FAT2: variants seen among roughly 807,000 people sequenced by gnomAD.
The protein encoded by FAT2 is protocadherin Fat 2.
In FAT2, 150 loss-of-function variants were observed where a neutral mutation model predicts 295.3. That is an observed-to-expected ratio of 0.51 (90% confidence interval 0.44 to 0.58). The LOEUF (loss-of-function observed/expected upper bound fraction) is 0.58. FAT2 is among the 20% of genes least tolerant of loss of function. The pLI, the probability that FAT2 is intolerant of heterozygous loss-of-function variation, is 0.00. For missense variants in FAT2, 4,868 were observed against 5,442.7 expected, an observed-to-expected ratio of 0.89 and a Z score of 3.32; for synonymous variants, 2,026 against 2,150.3, an observed-to-expected ratio of 0.94 and a Z score of 1.60.
chr5:151,528,993 T>G (rs1013209197), intron 15 of FAT2, among the ~76,000 whole-genome samples, 185 bp downstream of exon 15: 5 of 152,172 alleles, frequency 3.3e-5, no homozygotes, highest in African/African-American at 1.2e-4. Flanking sequence ...TCAGGAGAGA[T>G]AGTTTGGCCG....
intron 5 of FAT2, 101 bp from the exon 6 acceptor site, chr5:151,553,488 C>A: frequency 2.0e-6 from 2 of 990,254 alleles, no homozygotes; most frequent in South Asian, 1.5e-5. Flanking sequence ...TCTGACCAAG[C>A]AGGCCTCTCA....
At chr5:151,527,044 AAGTGCCTAACAC>A (rs1355157616) in intron 17 of FAT2, among the ~76,000 whole-genome samples, 178 bp downstream of exon 17, 1 of 152,240 alleles carries the variant, frequency 6.6e-6, no homozygotes, top group African/African-American at 2.4e-5. Flanking sequence ...ATGGATATGA[AAGTGCCTAACAC>A]AGTGCCTGAT....
chr5:151,550,475 G>A, intron 8 of FAT2, 115 bp downstream of exon 8: 1 of 1,201,208 alleles, frequency 8.3e-7, no homozygotes, highest in Non-Finnish European at 1.2e-6. Flanking sequence ...TCACAACTCT[G>A]TCTCGTGCAT....
rs1163615488 is a variant in FAT2, at chr5:151,542,933, G to T, written c.8194C>A (p.Pro2732Thr). ...AAGACACCATCCTTGTTGCTCTCAG[G>T]TGTAGTGCCCCGCACTAGACTGTAG... ...VIYSLVRGTT[P>T]ESNKDGVFSL... Residue 2732 changes from proline to threonine, a missense_variant, in exon 10 of 24, where the codon CCT becomes ACT. Physicochemically the swap from Pro to Thr is conservative, Grantham distance 38 (BLOSUM62 -1). Coordinates refer to ENST00000261800, the MANE Select transcript of FAT2 (RefSeq NM_001447.3). The T allele has an allele frequency of 1.9e-6, 3 of 1,614,198 alleles. No individual in the cohort carries two copies. Among genetic ancestry groups the T allele is most frequent in the Non-Finnish European group, 2.5e-6 (3 of 1,180,038 alleles).
chr5:151,550,605 G>A lies in FAT2; in HGVS notation c.4563C>T (p.His1521=), dbSNP rs34635112. Residue 1521 remains histidine (H), a synonymous_variant, in exon 8 of 24, where the codon CAC becomes CAT. Transcript: ENST00000261800. ...ATTTACTCACCATGACTGTCAGTGT[G>A]TGCTGGGAGGGCCCCGAGCCGAGGT... ...KLDLGSGPSQ[H]TLTVMVRDQE... 2.4e-3 allele frequency: 3,946 copies of A among 1,614,098 alleles called. 14 individuals carry two copies. The highest frequency in any genetic ancestry group is 3.1e-3 in the Non-Finnish European group (3,688 of 1,180,000).
intron 1 of FAT2, among the ~76,000 whole-genome samples, chr5:151,588,915 C>T (rs1404050049): frequency 6.6e-6 from 1 of 152,134 alleles, no homozygotes; most frequent in Non-Finnish European, 1.5e-5. Flanking sequence ...TATGATGATC[C>T]CCATCTTTCA....
intron 7 of FAT2, among the ~76,000 whole-genome samples, 172 bp from the exon 8 acceptor site, chr5:151,551,043 G>A (rs1014428062): frequency 6.6e-6 from 1 of 152,204 alleles, no homozygotes; most frequent in African/African-American, 2.4e-5. Context: ...AAGACCTTCA[G>A]ATGCTGCACA....
chr5:151,591,418 G>GA (rs1304862333), upstream of FAT2, among the ~76,000 whole-genome samples: 1 of 152,212 alleles, frequency 6.6e-6, no homozygotes, highest in Admixed American at 6.5e-5. Flanking sequence ...GTCTCACGGA[G>GA]AGGGAGGGAG....
intron 3 of FAT2, among the ~76,000 whole-genome samples, chr5:151,557,610 G>A (rs1421012658): frequency 1.3e-5 from 2 of 152,182 alleles, no homozygotes; most frequent in Admixed American, 6.5e-5. Context: ...CAGAGGCAGC[G>A]CCTTCATTAC....
At position 151,505,651 on chromosome 5, in the gene FAT2, G is replaced by A; in HGVS notation, c.12964C>T (p.Gln4322Ter). 1 of 1,614,142 alleles carries A rather than the reference G, an allele frequency of 6.2e-7. No individual in the cohort carries two copies. The highest frequency in any genetic ancestry group is 8.5e-7 in the Non-Finnish European group (1 of 1,180,018). ...CEVEGAPLAG[Q>*]GQPRVPPNYE... Reference sequence around the variant, plus strand: ...TTGGGGGGCACCCGGGGCTGGCCCTGGCCTGCAAGAGGTGCCCCCTCCACC... The same window carrying A: ...TTGGGGGGCACCCGGGGCTGGCCCTAGCCTGCAAGAGGTGCCCCCTCCACC... Residue 4322 changes from glutamine to a stop codon, truncating the protein, a stop_gained, in exon 24 of 24, where the codon CAG (glutamine) becomes TAG (stop). Transcript: ENST00000261800. LOFTEE classifies it high-confidence loss of function.
intron 11 of FAT2, 132 bp from the exon 12 acceptor site, chr5:151,538,078 G>A: frequency 1.5e-6 from 1 of 656,150 alleles, no homozygotes; most frequent in Non-Finnish European, 2.5e-6. Flanking sequence ...AAGAGAGACA[G>A]AAAAAAGAAC....
intron 22 of FAT2, among the ~76,000 whole-genome samples, chr5:151,509,196 T>C (rs1761118770): frequency 6.6e-6 from 1 of 152,162 alleles, no homozygotes; most frequent in Non-Finnish European, 1.5e-5. Context: ...AATAAGCACT[T>C]CAGCCATTTT....
rs190161399 is a variant in FAT2, at chr5:151,521,904, C to T, written c.10689G>A (p.Thr3563=). 134 of 1,613,854 alleles carry T rather than the reference C, an allele frequency of 8.3e-5. 1 individual carries two copies. Among genetic ancestry groups the T allele is most frequent in the Admixed American group, 6.8e-4 (41 of 60,028 alleles). ...IHATDRDPQD[T]LTYSLAEEET... is the part of the protein sequence containing the mutation. The stretch of plus-strand genomic sequence containing the variant: ...CCTCTTCTGCCAGGCTATAGGTCAG[C>T]GTGTCCTGGGGGTCTCGGTCTGTGG... The change falls in exon 19 of 24, where the codon ACG becomes ACA. Residue 3563 remains threonine, a synonymous_variant. Coordinates refer to ENST00000261800, the MANE Select transcript of FAT2 (RefSeq NM_001447.3).
In FAT2 at chr5:151,567,735, T is replaced by C; in HGVS notation, c.1197A>G (p.Pro399=). 1 of 1,614,188 alleles carries C rather than the reference T, an allele frequency of 6.2e-7. No individual in the cohort carries two copies. The highest frequency in any genetic ancestry group is 1.1e-5 in the South Asian group (1 of 91,074). ...AFPNLQYVLK[P]SSENVGFKLN... ...GTTTAAATCCTACATTCTCTGAAGA[T>C]GGCTTTAGAACATACTGCAGGTTGG... Residue 399 remains proline, a synonymous_variant, in exon 2 of 24, where the codon CCA becomes CCG. Transcript: ENST00000261800.
At chr5:151,526,548 A>G (rs1754000134) in intron 17 of FAT2, among the ~76,000 whole-genome samples, 1 of 152,236 alleles carries the variant, frequency 6.6e-6, no homozygotes, top group Non-Finnish European at 1.5e-5. Context: ...AACAGAATCT[A>G]ATGGGCAGAA....
Position 151,529,210 on chromosome 5 carries a change from C to G in FAT2, c.9994G>C (p.Glu3332Gln), listed in dbSNP as rs749723090. 1.9e-6 allele frequency: 3 copies of G among 1,614,170 alleles called. No homozygotes were observed. The highest frequency in any genetic ancestry group is 2.5e-6 in the Non-Finnish European group (3 of 1,180,024). Reference sequence around the variant, plus strand: ...ATGACGTCACCCACAAGGGCATTCTCTAAGACCCTTGTGCTATATGGATCT... The same window carrying G: ...ATGACGTCACCCACAAGGGCATTCTGTAAGACCCTTGTGCTATATGGATCT... ...PQDPYSTRVL[E>Q]NALVGDVILT... Residue 3332 changes from glutamate (E) to glutamine (Q), a missense_variant, in exon 15 of 24, where the codon GAG becomes CAG. Glu to Gln is a conservative substitution (Grantham distance 29). Around this residue, in one of 5 missense-constraint regions of FAT2, gnomAD observed 1,046 missense variants for 1,210.1 expected, o/e 0.86. Coordinates refer to ENST00000261800, the MANE Select transcript of FAT2 (RefSeq NM_001447.3).
rs375983146 is a variant in FAT2, at chr5:151,568,009, C to T, written c.923G>A (p.Arg308Gln). 108 of 1,614,068 alleles carry T rather than the reference C, an allele frequency of 6.7e-5. No individual in the cohort carries two copies. The highest frequency in any genetic ancestry group is 8.3e-5 in the Non-Finnish European group (98 of 1,180,042). The change falls in exon 2 of 24, where the codon CGG (arginine) becomes CAG (glutamine). Residue 308 changes from arginine to glutamine, a missense_variant. Arg to Gln is a conservative substitution (Grantham distance 43). Around this residue, in one of 5 missense-constraint regions of FAT2, gnomAD observed 3,297 missense variants for 3,669.4 expected, o/e 0.90. Transcript: ENST00000261800. ...KHFKAIKSYA[R>Q]SNEFSLVSVK... ...AGACACCAAACTGAACTCATTGCTCCGGGCATAAGACTTGATGGCTTTGAA... is the reference window on the plus strand; with the variant it reads ...AGACACCAAACTGAACTCATTGCTCTGGGCATAAGACTTGATGGCTTTGAA...
rs1756538999 is a variant in FAT2, at chr5:151,545,556, T to G, written c.5571A>C (p.Gln1857His). Residue 1857 changes from glutamine (Q) to histidine (H), a missense_variant, in exon 10 of 24, where the codon CAA (glutamine) becomes CAC (histidine). Around this residue, in one of 5 missense-constraint regions of FAT2, gnomAD observed 3,297 missense variants for 3,669.4 expected, o/e 0.90. Transcript: ENST00000261800. ...TCACATCTCTGACATGAATGATGAC[T>G]TGGGCAGGTCTGGGTGCAAATAATA... ...SPVLFAPRPA[Q>H]VIIHVRDVND... 6 of 1,614,178 alleles carry G rather than the reference T, an allele frequency of 3.7e-6. No homozygotes were observed. The highest frequency in any genetic ancestry group is 5.1e-6 in the Non-Finnish European group (6 of 1,180,014).
chr5:151,527,485 C>T lies in FAT2; in HGVS notation c.10165-108G>A, dbSNP rs1227179211. The T allele has an allele frequency of 1.4e-5, 16 of 1,123,722 alleles. 1 individual carries two copies. Among genetic ancestry groups the T allele is most frequent in the East Asian group, 1.3e-4 (5 of 38,862 alleles). The allele number at this position is 1,123,722 out of a possible 1,614,324, so 69.6% of individuals were successfully genotyped here. A position where few individuals can be genotyped will look rare whatever the true frequency, so the allele number is the denominator to read the frequency against. ...AAAAAAATAAGAAGGAGACACTTTC[C>T]TATGCCCACCCCCACTGCCCACCCG... is the stretch of plus-strand genomic sequence containing the variant. On this transcript the variant is annotated intron_variant, in intron 16 of 23. Coordinates refer to ENST00000261800, the MANE Select transcript of FAT2 (RefSeq NM_001447.3).
Sources: gnomAD v4.1 joint callset for allele counts (sites outside exome capture counted in the v4.1 genomes callset) on GRCh38, gnomAD v4.1.1 for gene constraint, gnomAD v4.1.1 regional missense constraint, MANE v1.5 for transcripts, NCBI Gene and HGNC (gene_info 2026-07-23, HGNC 2026-07-21) for gene names.